MKLN1: variants seen among roughly 807,000 people sequenced by gnomAD.
The protein encoded by MKLN1 is muskelin 1, also known as muskelin.
Under a neutral mutation model 99.0 loss-of-function variants are expected in MKLN1, and 18 were observed. The ratio of observed to expected loss-of-function variants is 0.18; its 90% confidence interval spans 0.13 to 0.27. The LOEUF is 0.27. Among genes scored for constraint, MKLN1 ranks in the 10% least tolerant of loss-of-function variants. The pLI is 1.00. For synonymous variants in MKLN1, 288 were observed against 293.2 expected (o/e 0.98, Z 0.18); for missense variants, 621 against 875.9 (o/e 0.71, Z 3.67).
At chr7:131,337,480 A>C (rs897638867) in intron 1 of MKLN1, among the ~76,000 whole-genome samples, 1 of 152,018 alleles carries the variant, frequency 6.6e-6, no homozygotes. Context: ...ACTATGTCCA[A>C]TCTGCTTTTT....
intron 3 of MKLN1, among the ~76,000 whole-genome samples, chr7:131,228,426 T>C (rs1349760912): frequency 1.3e-5 from 2 of 152,158 alleles, no homozygotes; most frequent in Admixed American, 6.5e-5. Flanking sequence ...CCAAACCTTA[T>C]GTCAACATTT....
chr7:131,286,553 G>A (rs748242190), intron 3 of MKLN1, among the ~76,000 whole-genome samples: 11 of 152,102 alleles, frequency 7.2e-5, no homozygotes, highest in Non-Finnish European at 1.3e-4. Context: ...CATTATCTCT[G>A]AGAGGCAAGT....
intron 1 of MKLN1, among the ~76,000 whole-genome samples, chr7:131,334,300 C>T (rs975226923): frequency 6.6e-6 from 1 of 152,172 alleles, no homozygotes; most frequent in Admixed American, 6.5e-5. Flanking sequence ...TTCCTTTTCT[C>T]CCTTTTCTCC....
At chr7:131,346,427 C>T (rs533506932) in intron 1 of MKLN1, among the ~76,000 whole-genome samples, 1 of 151,754 alleles carries the variant, frequency 6.6e-6, no homozygotes, top group African/African-American at 2.4e-5. Context: ...GAGGCTGAGG[C>T]AGGAGAATTC....
intron 3 of MKLN1, among the ~76,000 whole-genome samples, chr7:131,264,232 A>T (rs1797775252): frequency 6.6e-6 from 1 of 152,190 alleles, no homozygotes; most frequent in Non-Finnish European, 1.5e-5. Flanking sequence ...AGAATCTTTT[A>T]TGGCATTTTA....
intron 3 of MKLN1, among the ~76,000 whole-genome samples, chr7:131,291,547 AATAT>A (rs1322469576): frequency 6.7e-6 from 1 of 148,254 alleles, no homozygotes; most frequent in Non-Finnish European, 1.5e-5. Flanking sequence ...ATACATATGT[AATAT>A]ATATAACACA....
chr7:131,339,426 C>T (rs899371226), intron 1 of MKLN1, among the ~76,000 whole-genome samples: 22 of 152,220 alleles, frequency 1.4e-4, no homozygotes, highest in Admixed American at 9.8e-4. Context: ...GAGAGTTGGT[C>T]GGGTGCACTG....
chr7:131,220,545 C>T (rs1797045461), intron 3 of MKLN1, among the ~76,000 whole-genome samples: 1 of 152,146 alleles, frequency 6.6e-6, no homozygotes, highest in African/African-American at 2.4e-5. Flanking sequence ...AACTCAAACA[C>T]ATCTCCAGGA....
At chr7:131,404,016 T>C (rs1268904660) in intron 6 of MKLN1, among the ~76,000 whole-genome samples, 2 of 152,250 alleles carry the variant, frequency 1.3e-5, no homozygotes, top group Admixed American at 1.3e-4. Flanking sequence ...TAATTGATTT[T>C]CTGTTTTTAA....
intron 1 of MKLN1, among the ~76,000 whole-genome samples, chr7:131,113,287 T>G (rs1008954481): frequency 6.6e-6 from 1 of 152,056 alleles, no homozygotes; most frequent in African/African-American, 2.4e-5. Flanking sequence ...GAAAGTACTA[T>G]GTGTAAAGAC....
chr7:131,342,156 A>AT (rs796109850), intron 1 of MKLN1, among the ~76,000 whole-genome samples: 5,637 of 140,982 alleles, frequency 0.04, 257 homozygotes, highest in African/African-American at 0.12. Flanking sequence ...TTTTTTGTTG[A>AT]TTTTTTTTTT....
At chr7:131,351,826 A>G (rs552486986) in intron 1 of MKLN1, among the ~76,000 whole-genome samples, 31 of 152,330 alleles carry the variant, frequency 2.0e-4, no homozygotes, top group African/African-American at 7.5e-4. Flanking sequence ...TTGTAAAGCC[A>G]TCCACTTTTC....
intron 3 of MKLN1, among the ~76,000 whole-genome samples, chr7:131,271,909 CAAA>C (rs35730081): frequency 7.0e-6 from 1 of 143,290 alleles, no homozygotes. Flanking sequence ...AACTCTGTCT[CAAA>C]AAAAAAAAAA....
intron 1 of MKLN1, among the ~76,000 whole-genome samples, chr7:131,329,765 T>G (rs1563295472): frequency 6.6e-6 from 1 of 152,224 alleles, no homozygotes; most frequent in East Asian, 1.9e-4. Context: ...TTTTGTGTCT[T>G]GTTACTCTGG....
intron 3 of MKLN1, among the ~76,000 whole-genome samples, chr7:131,286,578 A>G (rs901549918): frequency 2.6e-5 from 4 of 152,124 alleles, no homozygotes; most frequent in Admixed American, 6.5e-5. Flanking sequence ...AGAAATTGTT[A>G]TTTTCCATTT....
chr7:131,480,525 C>G (rs964201199), intron 17 of MKLN1, among the ~76,000 whole-genome samples: 4 of 152,178 alleles, frequency 2.6e-5, no homozygotes, highest in Non-Finnish European at 5.9e-5. Flanking sequence ...GTCCTAAGTT[C>G]TAACTCCAGA....
Position 131,492,429 on chromosome 7 carries a change from C to A in MKLN1, c.*4701C>A, listed in dbSNP as rs926407325. ...TAATGCAGCCTTATATATGTCTCTT[C>A]CCCTCAAGAATGTGAATTTAGGCTG... On this transcript the variant is annotated 3_prime_UTR_variant, in exon 18 of 18. Coordinates refer to ENST00000352689, the MANE Select transcript of MKLN1 (RefSeq NM_013255.5). 2.0e-5 allele frequency: 3 copies of A among 151,748 alleles called. No individual in the cohort carries two copies. Among genetic ancestry groups the A allele is most frequent in the Admixed American group, 6.6e-5 (1 of 15,214 alleles). The allele number at this position is 151,748 out of a possible 1,614,324, so 9.4% of individuals were successfully genotyped here. A position where few individuals can be genotyped will look rare whatever the true frequency, so the allele number is the denominator to read the frequency against.
chr7:131,367,140 CTTTTG>C (rs1800206636), intron 1 of MKLN1, among the ~76,000 whole-genome samples: 1 of 151,988 alleles, frequency 6.6e-6, no homozygotes, highest in Admixed American at 6.6e-5. Context: ...CATAGTCTTG[CTTTTG>C]TTTTGTAGTC....
At chr7:131,434,999 A>G (rs1263625064) in intron 9 of MKLN1, among the ~76,000 whole-genome samples, 1 of 152,218 alleles carries the variant, frequency 6.6e-6, no homozygotes, top group Admixed American at 6.5e-5. Flanking sequence ...ATTAAGAAAA[A>G]TTAAATTTCG....
Sources: gnomAD v4.1 joint callset for allele counts (sites outside exome capture counted in the v4.1 genomes callset) on GRCh38, gnomAD v4.1.1 for gene constraint, MANE v1.5 for transcripts, NCBI Gene and HGNC (gene_info 2026-07-23, HGNC 2026-07-21) for gene names.